Variants in ANXA4 observed in about 807,000 individuals in gnomAD.
ANXA4 encodes the protein 35-beta calcimedin.
ANXA4 carries 39 observed loss-of-function variants against 49.8 expected under a neutral mutation model. The observed-to-expected ratio is 0.78, with a 90% CI of 0.61 to 1.02. The LOEUF (loss-of-function observed/expected upper bound fraction) is 1.02. ANXA4 is among the 50% of genes least tolerant of loss of function. ANXA4 has a pLI of 0.00. For synonymous variants in ANXA4, 134 were observed against 152.5 expected (o/e 0.88, Z 0.89); for missense variants, 360 against 410.1 (o/e 0.88, Z 1.05).
intron 2 of ANXA4, among the ~76,000 whole-genome samples, chr2:69,656,238 T>C (rs1173105459): frequency 1.6e-5 from 2 of 121,666 alleles, no homozygotes; most frequent in Non-Finnish European, 3.3e-5. Context: ...TGTATATATA[T>C]ACGTATATAT....
rs565598019 is a variant in ANXA4, at chr2:69,648,714, G to T, written n.481+3809G>T. ...TGGCATGCACCTGTAATACCAGCTC[G>T]GGAGGCTGAGGCATGAGAATCACTT... On this transcript the variant is annotated intron_variant and non_coding_transcript_variant, in intron 1 of 3. Coordinates refer to the ANXA4 transcript ENST00000418066. 4.0e-5 allele frequency among the ~76,000 whole-genome samples: 6 copies of T among 151,076 alleles called. No individual in the cohort carries two copies. The East Asian group carries it at 1.2e-3, about 30-fold the overall frequency.
At chr2:69,800,954 T>G (rs1030050406) in intron 3 of ANXA4, among the ~76,000 whole-genome samples, 4 of 152,052 alleles carry the variant, frequency 2.6e-5, no homozygotes, top group African/African-American at 9.7e-5. Flanking sequence ...CACGGTGAAA[T>G]GCAGAGGGGT....
At chr2:69,675,288 C>A (rs1036637271) in intron 2 of ANXA4, among the ~76,000 whole-genome samples, 1 of 152,128 alleles carries the variant, frequency 6.6e-6, no homozygotes, top group South Asian at 2.1e-4. Flanking sequence ...ATAGTAGAAT[C>A]GCAGCATATA....
At chr2:69,761,746 C>T (rs79902966) in intron 1 of ANXA4, among the ~76,000 whole-genome samples, 2,610 of 149,058 alleles carry the variant, frequency 0.018, 76 homozygotes, top group African/African-American at 0.061. Flanking sequence ...CATGGTGAGA[C>T]CCCGTCTGTG....
At chr2:69,785,805 C>G (rs576933620) in intron 2 of ANXA4, among the ~76,000 whole-genome samples, 3 of 152,194 alleles carry the variant, frequency 2.0e-5, no homozygotes, top group African/African-American at 7.2e-5. Context: ...ACTACTCCCT[C>G]CTTCCTCAGC....
intron 2 of ANXA4, among the ~76,000 whole-genome samples, chr2:69,663,469 CTT>C: frequency 6.6e-6 from 1 of 151,898 alleles, no homozygotes; most frequent in East Asian, 1.9e-4. Context: ...GAGAAGAAAA[CTT>C]TGAGAAATCT....
intron 2 of ANXA4, among the ~76,000 whole-genome samples, chr2:69,664,438 A>G (rs2105329857): frequency 6.6e-6 from 1 of 152,296 alleles, no homozygotes; most frequent in Non-Finnish European, 1.5e-5. Context: ...TTTCTAAAGT[A>G]CTTTCTAGAG....
At chr2:69,820,025 A>G (rs1674162644) in intron 11 of ANXA4, among the ~76,000 whole-genome samples, 1 of 151,482 alleles carries the variant, frequency 6.6e-6, no homozygotes, top group South Asian at 2.1e-4. Flanking sequence ...CTGAAATTGC[A>G]CTACTGCACT....
At chr2:69,687,609 A>G (rs572842876) in intron 2 of ANXA4, among the ~76,000 whole-genome samples, 2 of 152,340 alleles carry the variant, frequency 1.3e-5, no homozygotes, top group African/African-American at 4.8e-5. Flanking sequence ...ATCCTGCAGA[A>G]TATGGGCAAT....
chr2:69,713,379 A>G (rs535396578), intron 2 of ANXA4, among the ~76,000 whole-genome samples: 31 of 152,280 alleles, frequency 2.0e-4, no homozygotes, highest in Non-Finnish European at 4.1e-4. Context: ...TAAGATTGGA[A>G]GAAGCCACTC....
intron 1 of ANXA4, among the ~76,000 whole-genome samples, chr2:69,768,581 T>A (rs1272891828): frequency 6.6e-6 from 1 of 152,090 alleles, no homozygotes; most frequent in Non-Finnish European, 1.5e-5. Flanking sequence ...AAGTGTGCCG[T>A]TTAGTAAATC....
intron 2 of ANXA4, among the ~76,000 whole-genome samples, chr2:69,680,147 T>A (rs986276579): frequency 6.6e-6 from 1 of 152,224 alleles, no homozygotes; most frequent in African/African-American, 2.4e-5. Context: ...ACAAAATATG[T>A]CTTTTCATTT....
At chr2:69,773,422 A>G (rs1229265026) in intron 1 of ANXA4, among the ~76,000 whole-genome samples, 1 of 152,170 alleles carries the variant, frequency 6.6e-6, no homozygotes, top group African/African-American at 2.4e-5. Context: ...CAGGGTTGTC[A>G]GCCAATTAGC....
intron 1 of ANXA4, among the ~76,000 whole-genome samples, chr2:69,775,159 C>T (rs1341129638): frequency 1.3e-5 from 2 of 152,168 alleles, no homozygotes; most frequent in Non-Finnish European, 2.9e-5. Flanking sequence ...ACATAAACTG[C>T]CTTCTTGGTT....
chr2:69,807,315 C>G (rs1222815132), intron 5 of ANXA4, among the ~76,000 whole-genome samples: 2 of 152,116 alleles, frequency 1.3e-5, no homozygotes, highest in Middle Eastern at 3.2e-3. Context: ...CTACTATAGG[C>G]TTACTTCTGG....
chr2:69,793,246 A>AT (rs2103740048), intron 3 of ANXA4, among the ~76,000 whole-genome samples: 1 of 150,890 alleles, frequency 6.6e-6, no homozygotes, highest in African/African-American at 2.4e-5. Context: ...GCAAGACTCC[A>AT]TCTCAAAAAA....
At chr2:69,671,455 GC>G (rs1375304214) in intron 2 of ANXA4, among the ~76,000 whole-genome samples, 1 of 152,192 alleles carries the variant, frequency 6.6e-6, no homozygotes, top group Non-Finnish European at 1.5e-5. Context: ...GGTGGCTCAT[GC>G]CCATAATCCC....
intron 1 of ANXA4, chr2:69,781,244 C>T (rs438020): frequency 0.02 from 9,211 of 461,826 alleles, 142 homozygotes; most frequent in Middle Eastern, 0.053. Flanking sequence ...TGGTACTTAA[C>T]CTAACAAAAC....
chr2:69,764,552 C>T (rs1671427370), intron 1 of ANXA4, among the ~76,000 whole-genome samples: 1 of 152,180 alleles, frequency 6.6e-6, no homozygotes, highest in Non-Finnish European at 1.5e-5. Context: ...GAGCCTCTTA[C>T]TTAGGTTGAG....
Sources: allele counts gnomAD v4.1 joint callset (sites outside exome capture counted in the v4.1 genomes callset), GRCh38; gene constraint gnomAD v4.1.1; transcripts MANE v1.5; gene names NCBI Gene and HGNC (gene_info 2026-07-23, HGNC 2026-07-21).